The following CSMD3 variants were observed in gnomAD, a reference collection of about 807,000 sequenced individuals.
CSMD3 encodes CUB and Sushi multiple domains 3.
CSMD3 carries 177 observed loss-of-function variants against 435.2 expected under a neutral mutation model. The ratio of observed to expected loss-of-function variants is 0.41; its 90% CI spans 0.36 to 0.46. CSMD3 has a LOEUF of 0.46. Among genes scored for constraint, CSMD3 ranks in the 20% least tolerant of loss-of-function variants. The pLI is 0.34. For synonymous variants in CSMD3, 1,656 were observed against 1,520.5 expected, an observed-to-expected ratio of 1.09 and a Z score of -2.07; for missense variants, 4,265 against 4,504.6, an observed-to-expected ratio of 0.95 and a Z score of 1.52.
Position 112,355,883 on chromosome 8 carries a change from G to T in CSMD3, c.6137-3349C>A, listed in dbSNP as rs190993069. ...AAAATAAAAAGTGGACAAAAGTCAT[G>T]AATAGACACTTCTCAGAAGACACAT... On this transcript the variant is annotated intron_variant, in intron 38 of 70. Transcript: ENST00000297405. Among the ~76,000 whole-genome samples, 17 of 152,084 alleles carry T rather than the reference G, an allele frequency of 1.1e-4. No individual in the cohort carries two copies. In the East Asian group the frequency reaches 3.3e-3, roughly 29 times the overall value.
At chr8:112,394,008 C>T (rs1437527775) in intron 35 of CSMD3, among the ~76,000 whole-genome samples, 1 of 151,996 alleles carries the variant, frequency 6.6e-6, no homozygotes, top group Admixed American at 6.6e-5. Flanking sequence ...TTATCTCTAG[C>T]TGTGATTTCT....
chr8:113,313,371 G>A (rs1342787784), intron 2 of CSMD3: 4 of 151,878 alleles, frequency 2.6e-5, no homozygotes, highest in Middle Eastern at 3.4e-3. Flanking sequence ...ACCCAGGCTG[G>A]AGTGCAGTGG....
chr8:112,533,071 T>A (rs1474230098), intron 27 of CSMD3, among the ~76,000 whole-genome samples: 1 of 152,040 alleles, frequency 6.6e-6, no homozygotes, highest in Non-Finnish European at 1.5e-5. Context: ...AACTAAAAGA[T>A]TTTCTTTGTA....
rs1812309474 is a variant in CSMD3, at chr8:112,223,274, AT to A, written c.*1496del. On this transcript the variant is annotated 3_prime_UTR_variant, in exon 71 of 71. Coordinates refer to ENST00000297405, the MANE Select transcript of CSMD3 (RefSeq NM_198123.2). ...TCTCAAAGTGGTTTACAAGAAATTC[AT>A]TAAATGTTGTAGAGATAGAGCCAAG... The A allele has an allele frequency of 2.6e-6, 1 of 378,100 alleles. No individual in the cohort carries two copies. The highest frequency in any genetic ancestry group is 4.7e-6 in the Non-Finnish European group (1 of 212,420). The allele number at this position is 378,100 out of a possible 1,614,324, so 23.4% of individuals were successfully genotyped here.
At chr8:112,983,050 GCTT>G (rs2085112390) in intron 6 of CSMD3, among the ~76,000 whole-genome samples, 1 of 151,814 alleles carries the variant, frequency 6.6e-6, no homozygotes, top group South Asian at 2.1e-4. Flanking sequence ...TTCCCCATCT[GCTT>G]CTTCTATCTC....
chr8:112,745,621 T>A (rs943488350), intron 13 of CSMD3, among the ~76,000 whole-genome samples: 1 of 151,976 alleles, frequency 6.6e-6, no homozygotes. Context: ...ATAAAATGAG[T>A]TTGTGTGGAT....
intron 24 of CSMD3, 141 bp from the exon 25 acceptor site, chr8:112,557,095 T>C (rs2131227821): frequency 1.6e-6 from 1 of 627,808 alleles, no homozygotes; most frequent in East Asian, 2.7e-5. Context: ...TTAATTTTCG[T>C]ATCATACAAC....
chr8:112,235,570 T>C (rs1313018387), intron 67 of CSMD3, among the ~76,000 whole-genome samples: 2 of 115,144 alleles, frequency 1.7e-5, no homozygotes, highest in African/African-American at 3.9e-5. Context: ...TAAGGGTAGC[T>C]GTAAGCTGGA....
At chr8:113,394,261 A>G (rs2094473735) in intron 1 of CSMD3, among the ~76,000 whole-genome samples, 1 of 152,038 alleles carries the variant, frequency 6.6e-6, no homozygotes, top group Non-Finnish European at 1.5e-5. Flanking sequence ...GTTTCCAGTA[A>G]TGTTTGGAAT....
At chr8:112,719,837 A>C (rs1045956236) in intron 13 of CSMD3, among the ~76,000 whole-genome samples, 1 of 152,240 alleles carries the variant, frequency 6.6e-6, no homozygotes, top group Non-Finnish European at 1.5e-5. Context: ...ACTTTATTTG[A>C]AATATCTTTC....
At chr8:112,597,161 A>C (rs986178336) in intron 22 of CSMD3, among the ~76,000 whole-genome samples, 4 of 150,976 alleles carry the variant, frequency 2.6e-5, no homozygotes, top group African/African-American at 9.7e-5. Flanking sequence ...TCAAATAGAC[A>C]CAATAAAAAA....
chr8:112,874,430 T>G (rs1159304945), intron 10 of CSMD3, among the ~76,000 whole-genome samples: 1 of 152,146 alleles, frequency 6.6e-6, no homozygotes, highest in Non-Finnish European at 1.5e-5. Context: ...GTCCGCTTGG[T>G]TCAGAGCTGA....
In CSMD3 at chr8:112,223,140, A is replaced by C; in HGVS notation, c.*1631T>G. 2.5e-6 allele frequency: 1 copy of C among 398,240 alleles called. No individual in the cohort carries two copies. Among genetic ancestry groups the C allele is most frequent in the Non-Finnish European group, 4.4e-6 (1 of 225,550 alleles). 24.7% of individuals were successfully genotyped at this position (398,240 alleles called of 1,614,324 possible). On this transcript the variant is annotated 3_prime_UTR_variant, in exon 71 of 71. Transcript: ENST00000297405. Reference sequence around the variant, plus strand: ...TTAATGAATGAATCATTGTTATTGCAGTCATTTGAATAAACAAGAATAAAT... The same window carrying C: ...TTAATGAATGAATCATTGTTATTGCCGTCATTTGAATAAACAAGAATAAAT...
At chr8:113,400,249 T>C (rs879517819) in intron 1 of CSMD3, among the ~76,000 whole-genome samples, 1 of 151,986 alleles carries the variant, frequency 6.6e-6, no homozygotes, top group Admixed American at 6.6e-5. Context: ...TTCATATTAC[T>C]TGTAAATCCC....
intron 53 of CSMD3, 21 bp downstream of exon 53, chr8:112,301,772 A>T: frequency 6.2e-7 from 1 of 1,607,402 alleles, no homozygotes; most frequent in Non-Finnish European, 8.5e-7. Flanking sequence ...AGTTTGACAA[A>T]AACAAATTAA....
chr8:112,520,547 C>A (rs945929940), intron 27 of CSMD3, among the ~76,000 whole-genome samples: 1 of 151,842 alleles, frequency 6.6e-6, no homozygotes, highest in African/African-American at 2.4e-5. Flanking sequence ...AAAATTCGAC[C>A]AATTTGAAAT....
intron 6 of CSMD3, among the ~76,000 whole-genome samples, chr8:112,989,736 G>T (rs984228525): frequency 6.6e-6 from 1 of 151,938 alleles, no homozygotes; most frequent in African/African-American, 2.4e-5. Context: ...TGCAGCAAAA[G>T]GGATGATGTG....
chr8:113,103,033 T>C (rs2090374762), intron 4 of CSMD3, among the ~76,000 whole-genome samples: 2 of 152,148 alleles, frequency 1.3e-5, no homozygotes, highest in African/African-American at 4.8e-5. Context: ...AGATAAAACA[T>C]CTCGTTTTGA....
intron 10 of CSMD3, among the ~76,000 whole-genome samples, chr8:112,879,537 C>T (rs766489657): frequency 2.6e-5 from 4 of 152,004 alleles, no homozygotes; most frequent in South Asian, 2.1e-4. Context: ...TCTCTGTGAC[C>T]CACACCCTAT....
Sources: gnomAD v4.1 joint callset for allele counts (sites outside exome capture counted in the v4.1 genomes callset) on GRCh38, gnomAD v4.1.1 for gene constraint, MANE v1.5 for transcripts, NCBI Gene and HGNC (gene_info 2026-07-23, HGNC 2026-07-21) for gene names.